YTHDF3: variants seen among roughly 807,000 people sequenced by gnomAD.
YTHDF3 encodes YTH domain-containing family protein 3.
YTHDF3 carries 9 observed loss-of-function variants against 52.5 expected under a neutral mutation model. The observed-to-expected ratio is 0.17, with a 90% confidence interval of 0.10 to 0.30. The LOEUF is 0.30. YTHDF3 is among the 10% of genes least tolerant of loss of function. YTHDF3 has a pLI of 1.00. For synonymous variants in YTHDF3, 274 were observed against 243.3 expected, an observed-to-expected ratio of 1.13 and a Z score of -1.18; for missense variants, 534 against 715.0, an observed-to-expected ratio of 0.75 and a Z score of 2.89.
At chr8:63,209,631 G>C in intron 4 of YTHDF3, 52 bp from the exon 5 acceptor site, 1 of 1,488,238 alleles carries the variant, frequency 6.7e-7, no homozygotes, top group Non-Finnish European at 9.0e-7. Flanking sequence ...TTTAAATAAT[G>C]AGAGTTTTTC....
At chr8:63,180,813 AAAATACG>A (rs1563397371) in intron 3 of YTHDF3, among the ~76,000 whole-genome samples, 1 of 152,206 alleles carries the variant, frequency 6.6e-6, no homozygotes, top group African/African-American at 2.4e-5. Flanking sequence ...CTACACCAAA[AAAATACG>A]AAAACCAGTC....
chr8:63,209,721 C>A lies in YTHDF3; in HGVS notation c.*15C>A. ...ACAAACAATAACCGTATGAAGATGTCCTGTTAAATTTACAACACTAACGAT... is the reference window on the plus strand; with the variant it reads ...ACAAACAATAACCGTATGAAGATGTACTGTTAAATTTACAACACTAACGAT... On this transcript the variant is annotated 3_prime_UTR_variant, in exon 5 of 5. Coordinates refer to ENST00000539294, the MANE Select transcript of YTHDF3 (RefSeq NM_152758.6). 3 of 1,565,996 alleles carry A rather than the reference C, an allele frequency of 1.9e-6. No homozygotes were observed. The highest frequency in any genetic ancestry group is 2.4e-5 in the South Asian group (2 of 83,382).
intron 3 of YTHDF3, among the ~76,000 whole-genome samples, chr8:63,179,423 A>G (rs1807923213): frequency 6.6e-6 from 1 of 152,082 alleles, no homozygotes; most frequent in Non-Finnish European, 1.5e-5. Flanking sequence ...GATGACTCTT[A>G]AGGAGCATGC....
Position 63,175,398 on chromosome 8 carries a change from AAGT to A in YTHDF3, c.120_122del (p.Ser41del), listed in dbSNP as rs747138180. On this transcript the variant is annotated inframe_deletion, in exon 3 of 5. Coordinates refer to ENST00000539294, the MANE Select transcript of YTHDF3 (RefSeq NM_152758.6). Reference sequence around the variant, plus strand: ...ATGATGATGATTTTGAGCCATACTTAAGTAGCCAGACAAATCAGGTAAGTCTTC... The same window carrying A: ...ATGATGATGATTTTGAGCCATACTTAAGCCAGACAAATCAGGTAAGTCTTC... The A allele has an allele frequency of 6.2e-7, 1 of 1,611,832 alleles. No homozygotes were observed. The highest frequency in any genetic ancestry group is 8.5e-7 in the Non-Finnish European group (1 of 1,178,698).
intron 4 of YTHDF3, among the ~76,000 whole-genome samples, chr8:63,205,795 T>C (rs550191809): frequency 2.6e-5 from 4 of 152,294 alleles, no homozygotes; most frequent in Non-Finnish European, 4.4e-5. Flanking sequence ...CCCATAGATA[T>C]TGTGTTAAAA....
At chr8:63,173,213 T>TATATATATATATACAC (rs947970396) in intron 2 of YTHDF3, among the ~76,000 whole-genome samples, 2 of 146,104 alleles carry the variant, frequency 1.4e-5, no homozygotes, top group African/African-American at 5.3e-5. Context: ...TATATATATA[T>TATATATATATATACAC]ACAGATAAAT....
At chr8:63,198,727 A>C (rs1479118438) in intron 4 of YTHDF3, among the ~76,000 whole-genome samples, 1 of 152,228 alleles carries the variant, frequency 6.6e-6, no homozygotes, top group African/African-American at 2.4e-5. Context: ...TTATGACAAC[A>C]GCAAACATTT....
In YTHDF3 at chr8:63,168,764, C is replaced by T; in HGVS notation, c.-114C>T. Reference sequence around the variant, plus strand: ...ATTTTGGGTTCTCAGCGAACGGCGGCAGCGGCGGCGGCTGGAACAATCACT... The same window carrying T: ...ATTTTGGGTTCTCAGCGAACGGCGGTAGCGGCGGCGGCTGGAACAATCACT... On this transcript the variant is annotated 5_prime_UTR_variant, in exon 1 of 5. Coordinates refer to ENST00000539294, the MANE Select transcript of YTHDF3 (RefSeq NM_152758.6). 1 of 1,544,934 alleles carries T rather than the reference C, an allele frequency of 6.5e-7. No homozygotes were observed. The highest frequency in any genetic ancestry group is 8.7e-7 in the Non-Finnish European group (1 of 1,143,708).
chr8:63,186,508 T>C lies in YTHDF3; in HGVS notation c.497T>C (p.Ile166Thr). Residue 166 changes from isoleucine to threonine, a missense_variant, in exon 4 of 5, where the codon ATT (isoleucine) becomes ACT (threonine). Coordinates refer to ENST00000539294, the MANE Select transcript of YTHDF3 (RefSeq NM_152758.6). ...GYPPSSLGRA[I>T]TDGQAGFGND... is the part of the protein sequence containing the mutation. The stretch of plus-strand genomic sequence containing the variant: ...CCACCTAGTTCTCTTGGGAGAGCTA[T>C]TACTGATGGACAGGCTGGATTTGGC... 2 of 1,614,002 alleles carry C rather than the reference T, an allele frequency of 1.2e-6. No individual in the cohort carries two copies. The highest frequency in any genetic ancestry group is 1.7e-6 in the Non-Finnish European group (2 of 1,179,882).
At chr8:63,203,526 A>G (rs1282228741) in intron 4 of YTHDF3, among the ~76,000 whole-genome samples, 1 of 152,196 alleles carries the variant, frequency 6.6e-6, no homozygotes, top group African/African-American at 2.4e-5. Context: ...ATTACAGGGA[A>G]TTTCTGTATA....
At chr8:63,199,837 G>T (rs1401521837) in intron 4 of YTHDF3, among the ~76,000 whole-genome samples, 2 of 152,002 alleles carry the variant, frequency 1.3e-5, no homozygotes. Flanking sequence ...GAATACTGTT[G>T]AAGTTAGGGA....
rs572907151 is a variant in YTHDF3, at chr8:63,178,790, T to C, written c.135+3374T>C. 1.2e-3 allele frequency among the ~76,000 whole-genome samples: 190 copies of C among 152,292 alleles called. 1 individual carries two copies. Among genetic ancestry groups the C allele is most frequent in the African/African-American group, 3.9e-3 (160 of 41,546 alleles). On this transcript the variant is annotated intron_variant, in intron 3 of 4. Transcript: ENST00000539294. ...GTAAGTCGTATGAGAATTTAAGTAC[T>C]CTCAATTATCTAGCTAGAAAATTAA...
At position 63,186,541 on chromosome 8, in the gene YTHDF3, C is replaced by A. The variant is rs781222654; in HGVS notation, c.530C>A (p.Thr177Asn). 1.2e-6 allele frequency: 2 copies of A among 1,613,980 alleles called. No homozygotes were observed. The highest frequency in any genetic ancestry group is 2.7e-5 in the African/African-American group (2 of 75,034). ...TDGQAGFGND[T>N]LSKVPGISSI... ...GGACAGGCTGGATTTGGCAATGATA[C>A]TTTGAGTAAGGTGCCTGGCATTAGC... Residue 177 changes from threonine (T) to asparagine (N), a missense_variant, in exon 4 of 5, where the codon ACT (threonine) becomes AAT (asparagine). By Grantham distance (65) the Thr-to-Asn change is moderately conservative (BLOSUM62 0). Around this residue, in one of 3 missense-constraint regions of YTHDF3, gnomAD observed 196 missense variants for 299.5 expected, o/e 0.65. Coordinates refer to ENST00000539294, the MANE Select transcript of YTHDF3 (RefSeq NM_152758.6).
At chr8:63,189,235 C>T (rs145506153) in intron 4 of YTHDF3, among the ~76,000 whole-genome samples, 13 of 152,074 alleles carry the variant, frequency 8.5e-5, no homozygotes, top group African/African-American at 2.9e-4. Flanking sequence ...ATTGAGTGGC[C>T]CATATGGGGA....
intron 4 of YTHDF3, among the ~76,000 whole-genome samples, chr8:63,206,810 G>C (rs1376427088): frequency 6.6e-6 from 1 of 151,336 alleles, no homozygotes; most frequent in East Asian, 1.9e-4. Flanking sequence ...TTTCCATTAT[G>C]ATGTTTTGGA....
chr8:63,187,227 C>G lies in YTHDF3; in HGVS notation c.1216C>G (p.Pro406Ala). 6.2e-7 allele frequency: 1 copy of G among 1,614,036 alleles called. No individual in the cohort carries two copies. Among genetic ancestry groups the G allele is most frequent in the South Asian group, 1.1e-5 (1 of 91,078 alleles). Residue 406 changes from proline (P) to alanine (A), a missense_variant, in exon 4 of 5, where the codon CCC becomes GCC. This residue lies in a region of YTHDF3 where 203 missense variants were observed against 201.3 expected (regional missense o/e 1.01). Transcript: ENST00000539294. ...GCTAAAGGCCATAAACAACTATAAT[C>G]CCAAAGACTTTGATTGGAATCTGAA... ...EKLKAINNYN[P>A]KDFDWNLKNG...
rs775435092 is a variant in YTHDF3, at chr8:63,187,148, T to G, written c.1137T>G (p.Val379=). The change falls in exon 4 of 5, where the codon GTT becomes GTG. Residue 379 remains valine (V), a synonymous_variant. Transcript: ENST00000539294. ...GAGSENFGLG[V]VPVSASPSSV... ...GCAGTGAAAACTTTGGTTTAGGTGTTGTACCTGTCAGTGCTTCACCTTCTA... is the reference window on the plus strand; with the variant it reads ...GCAGTGAAAACTTTGGTTTAGGTGTGGTACCTGTCAGTGCTTCACCTTCTA... 6.2e-7 allele frequency: 1 copy of G among 1,613,992 alleles called. No homozygotes were observed. Among genetic ancestry groups the G allele is most frequent in the East Asian group, 2.2e-5 (1 of 44,876 alleles).
At chr8:63,191,030 C>G (rs1020461447) in intron 4 of YTHDF3, among the ~76,000 whole-genome samples, 2 of 152,146 alleles carry the variant, frequency 1.3e-5, no homozygotes, top group African/African-American at 4.8e-5. Flanking sequence ...AGAATTCTTT[C>G]TAGTCAACAG....
rs1810426570 is a variant in YTHDF3, at chr8:63,212,674, T to C, written c.*2968T>C. 1 of 152,640 alleles carries C rather than the reference T, an allele frequency of 6.6e-6. No individual in the cohort carries two copies. The highest frequency in any genetic ancestry group is 2.4e-5 in the African/African-American group (1 of 41,464). The allele number at this position is 152,640 out of a possible 1,614,324, so 9.5% of individuals were successfully genotyped here. A position where few individuals can be genotyped will look rare whatever the true frequency, so the allele number is the denominator to read the frequency against. Reference sequence around the variant, plus strand: ...ATTTGAATTTTGTCGTGTTTGGGTTTGTTCATTCCTGTGAATGATGGTACA... The same window carrying C: ...ATTTGAATTTTGTCGTGTTTGGGTTCGTTCATTCCTGTGAATGATGGTACA... On this transcript the variant is annotated 3_prime_UTR_variant, in exon 5 of 5. Transcript: ENST00000539294.
Sources: gnomAD v4.1 joint callset for allele counts (sites outside exome capture counted in the v4.1 genomes callset) on GRCh38, gnomAD v4.1.1 for gene constraint, gnomAD v4.1.1 regional missense constraint, MANE v1.5 for transcripts, NCBI Gene and HGNC (gene_info 2026-07-23, HGNC 2026-07-21) for gene names.